Variants in CHMP4C observed in about 807,000 individuals in gnomAD.
CHMP4C encodes the protein SNF7 homolog associated with Alix 3.
Under a neutral mutation model 29.0 loss-of-function variants are expected in CHMP4C, and 28 were observed. That is an observed-to-expected ratio of 0.97 (90% CI 0.72 to 1.32). The LOEUF is 1.32. Among genes scored for constraint, CHMP4C ranks in the 40% most tolerant of loss-of-function variants. The pLI, the probability that CHMP4C is intolerant of heterozygous loss-of-function variation, is 0.00. For synonymous variants in CHMP4C, 106 were observed against 102.4 expected, an observed-to-expected ratio of 1.04 and a Z score of -0.21; for missense variants, 291 against 281.0, an observed-to-expected ratio of 1.04 and a Z score of -0.25.
At chr8:81,750,045 A>G (rs1283886738) in intron 1 of CHMP4C, among the ~76,000 whole-genome samples, 1 of 152,190 alleles carries the variant, frequency 6.6e-6, no homozygotes, top group Non-Finnish European at 1.5e-5. Flanking sequence ...TTGCAGCCTG[A>G]TGATGCAATA....
At position 81,738,358 on chromosome 8, in the gene CHMP4C, CTGTT is replaced by C. The variant is rs1220230260; in HGVS notation, c.190+5545_190+5548del. 7.2e-5 allele frequency among the ~76,000 whole-genome samples: 11 copies of C among 152,298 alleles called. 1 individual carries two copies. The South Asian group carries it at 2.1e-3, about 29-fold the overall frequency. On this transcript the variant is annotated intron_variant, in intron 1 of 4. Coordinates refer to ENST00000297265, the MANE Select transcript of CHMP4C (RefSeq NM_152284.4). ...GCTGTTCTACCTCTTCATCAGGTGTCTGTTTGGAGAAGTGAGTCTCCAGGACAGA... is the reference window on the plus strand; with the variant it reads ...GCTGTTCTACCTCTTCATCAGGTGTCTGGAGAAGTGAGTCTCCAGGACAGA...
chr8:81,754,799 C>A (rs1301936766), intron 2 of CHMP4C, among the ~76,000 whole-genome samples: 2 of 152,172 alleles, frequency 1.3e-5, no homozygotes, highest in African/African-American at 4.8e-5. Context: ...GTTGCTAATT[C>A]TTCTGAGGGC....
In CHMP4C at chr8:81,759,234, C is replaced by T. The variant is rs1229264959; in HGVS notation, c.*690C>T. ...GAGCTTTAATTGACATTTATTATAC[C>T]AATTAAGCTTGGAATGGGGCAATGG... On this transcript the variant is annotated 3_prime_UTR_variant, in exon 5 of 5. Coordinates refer to ENST00000297265, the MANE Select transcript of CHMP4C (RefSeq NM_152284.4). The T allele has an allele frequency of 6.6e-6, 1 of 152,380 alleles. No individual in the cohort carries two copies. The highest frequency in any genetic ancestry group is 2.4e-5 in the African/African-American group (1 of 41,346). 9.4% of individuals were successfully genotyped at this position (152,380 alleles called of 1,614,324 possible). A position where few individuals can be genotyped will look rare whatever the true frequency, so the allele number is the denominator to read the frequency against.
chr8:81,741,669 T>G (rs1217196785), intron 1 of CHMP4C, among the ~76,000 whole-genome samples: 1 of 152,216 alleles, frequency 6.6e-6, no homozygotes, highest in Non-Finnish European at 1.5e-5. Context: ...TAAGTACATG[T>G]GAATCTATTT....
chr8:81,755,350 A>C lies in CHMP4C; in HGVS notation c.369-20A>C, dbSNP rs749251804. The stretch of plus-strand genomic sequence containing the variant: ...TATAAGTTAAAATTCTAAAATGTTC[A>C]ACAAAATATGATTTCCCAGGGATCT... On this transcript the variant is annotated intron_variant, in intron 2 of 4. Transcript: ENST00000297265. The C allele has an allele frequency of 1.3e-5, 18 of 1,414,218 alleles. No individual in the cohort carries two copies. In the East Asian group the frequency reaches 3.7e-4, roughly 29 times the overall value. The allele number at this position is 1,414,218 out of a possible 1,614,324, so 87.6% of individuals were successfully genotyped here.
Position 81,735,800 on chromosome 8 carries a change from A to T in CHMP4C, c.190+2984A>T, listed in dbSNP as rs114484841. Among the ~76,000 whole-genome samples, 1,179 of 152,218 alleles carry T rather than the reference A, an allele frequency of 7.7e-3. 11 individuals carry two copies. Among genetic ancestry groups the T allele is most frequent in the African/African-American group, 0.026 (1,083 of 41,520 alleles). ...TTTAATTAGCATAATAAATGTTAGA[A>T]ATGGGGCAGGACATGGTGGCTCATT... On this transcript the variant is annotated intron_variant, in intron 1 of 4. Coordinates refer to ENST00000297265, the MANE Select transcript of CHMP4C (RefSeq NM_152284.4).
At chr8:81,749,426 C>T (rs1220791754) in intron 1 of CHMP4C, among the ~76,000 whole-genome samples, 1 of 152,062 alleles carries the variant, frequency 6.6e-6, no homozygotes, top group Non-Finnish European at 1.5e-5. Flanking sequence ...TGGCCAGGTG[C>T]CAGGAAATGG....
chr8:81,740,380 C>CTCTG (rs1175207219), intron 1 of CHMP4C, among the ~76,000 whole-genome samples: 1 of 152,204 alleles, frequency 6.6e-6, no homozygotes, highest in Non-Finnish European at 1.5e-5. Flanking sequence ...TCCTCGCATG[C>CTCTG]TCAGTTCACA....
At chr8:81,736,450 C>T (rs560983835) in intron 1 of CHMP4C, among the ~76,000 whole-genome samples, 65 of 152,212 alleles carry the variant, frequency 4.3e-4, no homozygotes, top group Admixed American at 4.3e-3. Context: ...CTGGGCCTGG[C>T]CTAATTGGTG....
At chr8:81,744,250 A>G (rs920485249) in intron 1 of CHMP4C, among the ~76,000 whole-genome samples, 11 of 152,182 alleles carry the variant, frequency 7.2e-5, no homozygotes, top group African/African-American at 2.7e-4. Context: ...TGTGCTCTAT[A>G]TTTGAGGCTT....
rs374825112 is a variant in CHMP4C at position 81,753,098 on chromosome 8, C to G, written c.225C>G (p.Phe75Leu). 1 of 1,611,614 alleles carries G rather than the reference C, an allele frequency of 6.2e-7. No homozygotes were observed. The highest frequency in any genetic ancestry group is 8.5e-7 in the Non-Finnish European group (1 of 1,178,756). The change falls in exon 2 of 5, where the codon TTC becomes TTG. Residue 75 changes from phenylalanine to leucine, a missense_variant. Phe to Leu is a conservative substitution (Grantham distance 22). Coordinates refer to ENST00000297265, the MANE Select transcript of CHMP4C (RefSeq NM_152284.4). The part of the protein sequence containing the change: ...ALQALKRKKR[F>L]EKQLTQIDGT... The stretch of plus-strand genomic sequence containing the variant: ...AGGCACTAAAGAGAAAGAAGAGGTT[C>G]GAGAAACAGCTCACTCAGATTGATG...
In CHMP4C at chr8:81,743,142, G is replaced by A. The variant is rs530197389; in HGVS notation, c.191-9922G>A. ...CAGTTTGCTGGTTCTTGAACTTCAC[G>A]TGTTAGAGCATCTGCAAGCCACAGG... On this transcript the variant is annotated intron_variant, in intron 1 of 4. Transcript: ENST00000297265. Among the ~76,000 whole-genome samples the A allele has an allele frequency of 2.6e-5, 4 of 152,052 alleles. No individual in the cohort carries two copies. The South Asian group carries it at 6.2e-4, about 24-fold the overall frequency.
At position 81,755,406 on chromosome 8, in the gene CHMP4C, C is replaced by T; in HGVS notation, c.405C>T (p.Ile135=). 1.2e-6 allele frequency: 2 copies of T among 1,611,304 alleles called. No individual in the cohort carries two copies. Among genetic ancestry groups the T allele is most frequent in the South Asian group, 1.1e-5 (1 of 90,832 alleles). ...LNKIDDLMQE[I]TEQQDIAQEI... Reference sequence around the variant, plus strand: ...AAATAGATGATTTGATGCAAGAGATCACAGAGCAACAGGATATCGCCCAAG... The same window carrying T: ...AAATAGATGATTTGATGCAAGAGATTACAGAGCAACAGGATATCGCCCAAG... The change falls in exon 3 of 5, where the codon ATC becomes ATT. Residue 135 remains isoleucine, a synonymous_variant. Transcript: ENST00000297265.
At chr8:81,749,672 C>T (rs1251136783) in intron 1 of CHMP4C, among the ~76,000 whole-genome samples, 8 of 152,210 alleles carry the variant, frequency 5.3e-5, no homozygotes, top group African/African-American at 1.9e-4. Context: ...AATCATGATG[C>T]ATGACCTGTA....
chr8:81,752,620 G>A (rs1808917341), intron 1 of CHMP4C, among the ~76,000 whole-genome samples: 2 of 152,094 alleles, frequency 1.3e-5, no homozygotes, highest in Admixed American at 1.3e-4. Context: ...CTGCCTTTAA[G>A]CAAGTCACTT....
chr8:81,750,338 A>G (rs527953871), intron 1 of CHMP4C, among the ~76,000 whole-genome samples: 1 of 151,998 alleles, frequency 6.6e-6, no homozygotes, highest in Non-Finnish European at 1.5e-5. Context: ...GGTGGCTCAC[A>G]CCGGCAATCT....
intron 1 of CHMP4C, among the ~76,000 whole-genome samples, chr8:81,747,139 T>C (rs1414348551): frequency 6.6e-6 from 1 of 152,172 alleles, no homozygotes; most frequent in Admixed American, 6.5e-5. Context: ...TGAGGGAACA[T>C]CACTTAAAAT....
At chr8:81,749,003 TC>T (rs1300388627) in intron 1 of CHMP4C, among the ~76,000 whole-genome samples, 1 of 151,768 alleles carries the variant, frequency 6.6e-6, no homozygotes, top group Non-Finnish European at 1.5e-5. Context: ...AGTTGCTACA[TC>T]CCTATCATTC....
intron 2 of CHMP4C, among the ~76,000 whole-genome samples, chr8:81,755,100 G>A (rs973643250): frequency 2.0e-5 from 3 of 151,956 alleles, no homozygotes; most frequent in African/African-American, 7.3e-5. Flanking sequence ...ATTTCAAAAT[G>A]GGTTTACAAA....
Sources: gnomAD v4.1 joint callset for allele counts (sites outside exome capture counted in the v4.1 genomes callset) on GRCh38, gnomAD v4.1.1 for gene constraint, MANE v1.5 for transcripts, NCBI Gene and HGNC (gene_info 2026-07-23, HGNC 2026-07-21) for gene names.